Variants in SRPK2 observed in about 807,000 individuals in gnomAD.
SRPK2 encodes SFRS protein kinase 2.
Under a neutral mutation model 90.8 loss-of-function variants are expected in SRPK2, and 21 were observed. That is an observed-to-expected ratio of 0.23 (90% CI 0.16 to 0.33). The LOEUF is 0.33. Among genes scored for constraint, SRPK2 ranks in the 10% least tolerant of loss-of-function variants. The pLI is 1.00. For missense variants in SRPK2, 620 were observed against 869.0 expected, an observed-to-expected ratio of 0.71 and a Z score of 3.60; for synonymous variants, 288 against 311.1, an observed-to-expected ratio of 0.93 and a Z score of 0.78.
chr7:105,229,768 G>C (rs903607554), intron 2 of SRPK2, among the ~76,000 whole-genome samples: 1 of 144,956 alleles, frequency 6.9e-6, no homozygotes, highest in Non-Finnish European at 1.5e-5. Context: ...ATTCTTTCAA[G>C]TAAGAACTTG....
At chr7:105,285,214 T>C (rs914811326) in intron 2 of SRPK2, among the ~76,000 whole-genome samples, 10 of 151,702 alleles carry the variant, frequency 6.6e-5, no homozygotes, top group African/African-American at 1.9e-4. Context: ...AGCGAAACCC[T>C]ATCTCTACAA....
rs377065934 is a variant in SRPK2, at chr7:105,171,884, G to GTTAT, written c.230-2623_230-2620dup. Among the ~76,000 whole-genome samples, 1,098 of 152,080 alleles carry GTTAT rather than the reference G, an allele frequency of 7.2e-3. 59 individuals carry two copies. In the South Asian group the frequency reaches 0.13, roughly 18 times the overall value. ...AAATGAGCTCTGAGTTTATAATACA[G>GTTAT]TTATTTATTTATTTATTTATTTATA... On this transcript the variant is annotated intron_variant, in intron 3 of 15. Coordinates refer to ENST00000393651, the MANE Select transcript of SRPK2 (RefSeq NM_182692.3).
At chr7:105,178,736 G>C (rs1464909277) in intron 3 of SRPK2, among the ~76,000 whole-genome samples, 1 of 152,048 alleles carries the variant, frequency 6.6e-6, no homozygotes, top group Non-Finnish European at 1.5e-5. Context: ...TTGGGTCCAG[G>C]AGGTCGAAGC....
rs1799656833 is a variant in SRPK2, at chr7:105,116,667, T to C, written c.*1171A>G. ...GTATCCTGGAGTCTACAATTAATTT[T>C]AAGGAAATGCATAAACAAAACTGTG... On this transcript the variant is annotated 3_prime_UTR_variant, in exon 16 of 16. Transcript: ENST00000393651. The C allele has an allele frequency of 6.6e-6, 1 of 152,662 alleles. No homozygotes were observed. The highest frequency in any genetic ancestry group is 2.4e-5 in the African/African-American group (1 of 41,474). 9.5% of individuals were successfully genotyped at this position (152,662 alleles called of 1,614,324 possible).
intron 7 of SRPK2, among the ~76,000 whole-genome samples, chr7:105,153,274 A>G (rs1805998818): frequency 6.6e-6 from 1 of 152,198 alleles, no homozygotes; most frequent in South Asian, 2.1e-4. Flanking sequence ...GCTGGGAGCT[A>G]GAAGCCCCGA....
At chr7:105,148,893 A>G (rs1805072685) in intron 7 of SRPK2, among the ~76,000 whole-genome samples, 1 of 152,224 alleles carries the variant, frequency 6.6e-6, no homozygotes, top group South Asian at 2.1e-4. Flanking sequence ...AAATGTTTAC[A>G]AGCAGTATAC....
Position 105,245,701 on chromosome 7 carries a change from T to C in SRPK2, c.72-41916A>G, listed in dbSNP as rs559945888. Reference sequence around the variant, plus strand: ...AGATAAAGTAACTCGGGCTTCTGCATTTAGAAAACACTTTTTTTCCCCTCA... The same window carrying C: ...AGATAAAGTAACTCGGGCTTCTGCACTTAGAAAACACTTTTTTTCCCCTCA... On this transcript the variant is annotated intron_variant, in intron 2 of 15. Coordinates refer to ENST00000393651, the MANE Select transcript of SRPK2 (RefSeq NM_182692.3). Among the ~76,000 whole-genome samples the C allele has an allele frequency of 1.4e-3, 216 of 152,144 alleles. 3 individuals carry two copies. Among genetic ancestry groups the C allele is most frequent in the Middle Eastern group, 0.014 (4 of 294 alleles).
intron 2 of SRPK2, among the ~76,000 whole-genome samples, chr7:105,361,789 TG>T (rs1268102602): frequency 6.6e-6 from 1 of 152,162 alleles, no homozygotes; most frequent in Non-Finnish European, 1.5e-5. Context: ...AAACTGAAAC[TG>T]GATCTCTTCC....
chr7:105,342,061 C>G (rs375912399), intron 2 of SRPK2, among the ~76,000 whole-genome samples: 8 of 152,086 alleles, frequency 5.3e-5, no homozygotes, highest in African/African-American at 1.7e-4. Context: ...GTCGGGAGAT[C>G]GAGACCATCC....
chr7:105,322,990 G>A (rs1197730814), intron 2 of SRPK2, among the ~76,000 whole-genome samples: 4 of 152,132 alleles, frequency 2.6e-5, no homozygotes, highest in Non-Finnish European at 4.4e-5. Flanking sequence ...CTTAAGGCCA[G>A]GAGTTGGAGA....
chr7:105,146,573 T>C lies in SRPK2; in HGVS notation c.707A>G (p.Asp236Gly). Residue 236 changes from aspartate (D) to glycine (G), a missense_variant, in exon 8 of 16, where the codon GAT becomes GGT. By Grantham distance (94) the Asp-to-Gly change is moderately conservative. This residue lies in a region of SRPK2 where 196 missense variants were observed against 339.2 expected (regional missense o/e 0.58). Coordinates refer to ENST00000393651, the MANE Select transcript of SRPK2 (RefSeq NM_182692.3). ...TGCCATTCTTCTCACATATGCATCA[T>C]CCACACACATCAAGATATTTTCCGG... is the stretch of plus-strand genomic sequence containing the variant. ...IKPENILMCVDDAYVRRMAAE... is the reference protein window; with the variant it reads ...IKPENILMCVGDAYVRRMAAE... 6.2e-7 allele frequency: 1 copy of C among 1,614,210 alleles called. No homozygotes were observed.
intron 2 of SRPK2, among the ~76,000 whole-genome samples, chr7:105,278,945 T>C (rs897872142): frequency 2.5e-4 from 38 of 152,344 alleles, no homozygotes; most frequent in African/African-American, 8.9e-4. Context: ...CTTGGTATAA[T>C]CTTTGTTCAT....
chr7:105,256,339 A>G (rs1803305818), intron 2 of SRPK2, among the ~76,000 whole-genome samples: 1 of 152,092 alleles, frequency 6.6e-6, no homozygotes, highest in African/African-American at 2.4e-5. Context: ...TTGCACCATT[A>G]TGTATGTATG....
chr7:105,186,626 T>C (rs1158235281), intron 3 of SRPK2, among the ~76,000 whole-genome samples: 2 of 152,222 alleles, frequency 1.3e-5, no homozygotes, highest in Non-Finnish European at 1.5e-5. Flanking sequence ...TACCTGCTCT[T>C]CTACTATCCC....
chr7:105,275,343 T>C (rs1278303832), intron 2 of SRPK2, among the ~76,000 whole-genome samples: 1 of 152,228 alleles, frequency 6.6e-6, no homozygotes, highest in East Asian at 1.9e-4. Flanking sequence ...ATCAACTTTC[T>C]TGATTGAAAC....
chr7:105,365,518 A>T (rs1311339654), intron 2 of SRPK2, among the ~76,000 whole-genome samples: 2 of 145,418 alleles, frequency 1.4e-5, no homozygotes, highest in African/African-American at 5.0e-5. Flanking sequence ...AATTATATAT[A>T]TATATATATT....
chr7:105,326,376 T>C (rs1271691715), intron 2 of SRPK2, among the ~76,000 whole-genome samples: 1 of 152,236 alleles, frequency 6.6e-6, no homozygotes, highest in Non-Finnish European at 1.5e-5. Flanking sequence ...AACTTTTTCA[T>C]ACTGCTTTGA....
At chr7:105,152,757 T>C (rs1445817875) in intron 7 of SRPK2, among the ~76,000 whole-genome samples, 1 of 151,998 alleles carries the variant, frequency 6.6e-6, no homozygotes, top group Non-Finnish European at 1.5e-5. Flanking sequence ...TTAATACGGC[T>C]GGGCGCGGTG....
chr7:105,380,521 A>ATTT (rs35323315), intron 2 of SRPK2, among the ~76,000 whole-genome samples: 2 of 107,290 alleles, frequency 1.9e-5, no homozygotes, highest in African/African-American at 6.4e-5. Context: ...ACATGCTAAA[A>ATTT]TTTTTTTTTT....
Sources: gnomAD v4.1 joint callset for allele counts (sites outside exome capture counted in the v4.1 genomes callset) on GRCh38, gnomAD v4.1.1 for gene constraint, gnomAD v4.1.1 regional missense constraint, MANE v1.5 for transcripts, NCBI Gene and HGNC (gene_info 2026-07-23, HGNC 2026-07-21) for gene names.